The following TLR2 variants were observed in gnomAD, a reference collection of about 807,000 sequenced individuals.
The protein encoded by TLR2 is toll like receptor 2, also known as toll-like receptor 2.
In TLR2, 7 loss-of-function variants were observed where a neutral mutation model predicts 9.1. The observed-to-expected ratio is 0.77, with a 90% CI of 0.44 to 1.44. TLR2 has a LOEUF of 1.44. Among genes scored for constraint, TLR2 ranks in the 40% most tolerant of loss-of-function variants. The pLI, the probability that TLR2 is intolerant of heterozygous loss-of-function variation, is 0.01. For missense variants in TLR2, 812 were observed against 904.6 expected (o/e 0.90, Z 1.31); for synonymous variants, 317 against 344.6 (o/e 0.92, Z 0.89).
rs949936131 is a variant in TLR2 at position 153,690,266 on chromosome 4, G to T, written c.-17+2219G>T. Among the ~76,000 whole-genome samples the T allele has an allele frequency of 4.6e-5, 7 of 152,328 alleles. No individual in the cohort carries two copies. In the South Asian group the frequency reaches 1.5e-3, roughly 32 times the overall value. On this transcript the variant is annotated intron_variant, in intron 2 of 2. Coordinates refer to ENST00000642700, the MANE Select transcript of TLR2 (RefSeq NM_001318789.2). ...AATGCTAGATTCAGTTGTATATGGG[G>T]TGTCCTGTAATCCCTGTTTCCCCTT... is the stretch of plus-strand genomic sequence containing the variant.
chr4:153,701,072 G>T (rs980862664), intron 2 of TLR2, among the ~76,000 whole-genome samples: 1 of 152,056 alleles, frequency 6.6e-6, no homozygotes, highest in Non-Finnish European at 1.5e-5. Flanking sequence ...TTAAAAATAG[G>T]CTAGAAAACT....
Position 153,703,126 on chromosome 4 carries a change from G to A in TLR2, c.219G>A (p.Gln73=), listed in dbSNP as rs1478033039. 3 of 1,614,160 alleles carry A rather than the reference G, an allele frequency of 1.9e-6. No homozygotes were observed. The highest frequency in any genetic ancestry group is 3.3e-5 in the Admixed American group (2 of 60,028). The change falls in exon 3 of 3, where the codon CAG becomes CAA. Residue 73 remains glutamine (Q), a synonymous_variant. Transcript: ENST00000642700. ...CCTACATTAGCAACAGTGACCTACA[G>A]AGGTGTGTGAACCTCCAGGCTCTGG... ...RITYISNSDL[Q]RCVNLQALVL... is the part of the protein sequence containing the mutation.
chr4:153,699,777 A>G (rs769449029), intron 2 of TLR2, among the ~76,000 whole-genome samples: 2 of 152,340 alleles, frequency 1.3e-5, no homozygotes, highest in Non-Finnish European at 2.9e-5. Flanking sequence ...GATACAGAAA[A>G]TGAGAAGAAT....
chr4:153,705,247 T>G lies in TLR2; in HGVS notation c.2340T>G (p.Ala780=). 1 of 1,585,572 alleles carries G rather than the reference T, an allele frequency of 6.3e-7. No homozygotes were observed. Among genetic ancestry groups the G allele is most frequent in the Non-Finnish European group, 8.6e-7 (1 of 1,164,296 alleles). ...AAGGATTTTGGGTAAATCTGAGAGC[T>G]GCGATAAAGTCCTAGGTTCCCATAT... The part of the protein sequence containing the change: ...QREGFWVNLR[A]AIKS The change falls in exon 3 of 3, where the codon GCT becomes GCG. Residue 780 remains alanine (A), a synonymous_variant. Transcript: ENST00000642700.
chr4:153,700,568 T>A (rs1736815068), intron 2 of TLR2, among the ~76,000 whole-genome samples: 1 of 152,130 alleles, frequency 6.6e-6, no homozygotes, highest in African/African-American at 2.4e-5. Flanking sequence ...TTTTTGAAAC[T>A]GACAAGCTGA....
At chr4:153,689,963 C>G (rs1327286106) in intron 2 of TLR2, among the ~76,000 whole-genome samples, 2 of 152,218 alleles carry the variant, frequency 1.3e-5, no homozygotes, top group African/African-American at 2.4e-5. Flanking sequence ...CCAGAGGGTC[C>G]TCGGGATCCT....
chr4:153,695,720 G>A (rs1327498050), intron 2 of TLR2, among the ~76,000 whole-genome samples: 2 of 152,160 alleles, frequency 1.3e-5, no homozygotes, highest in South Asian at 2.1e-4. Context: ...GGTTGCCTAT[G>A]CTTGTGGGGT....
At chr4:153,684,578 G>T (rs1175368313) in intron 1 of TLR2, among the ~76,000 whole-genome samples, 2 of 152,228 alleles carry the variant, frequency 1.3e-5, no homozygotes, top group African/African-American at 4.8e-5. Flanking sequence ...CCCAGCGCGG[G>T]AATGTGGACA....
downstream of TLR2, among the ~76,000 whole-genome samples, chr4:153,708,247 C>G (rs1298908592): frequency 6.6e-6 from 1 of 152,174 alleles, no homozygotes; most frequent in African/African-American, 2.4e-5. Flanking sequence ...GTTCTGAAAG[C>G]TGCCATTGTG....
chr4:153,690,006 A>G (rs945509474), intron 2 of TLR2, among the ~76,000 whole-genome samples: 2 of 152,206 alleles, frequency 1.3e-5, no homozygotes, highest in South Asian at 4.1e-4. Flanking sequence ...CTGGCTCATG[A>G]TAAGGTTTCA....
rs746216810 is a variant in TLR2 at position 153,703,543 on chromosome 4, A to G, written c.636A>G (p.Leu212=). Residue 212 remains leucine (L), a synonymous_variant, in exon 3 of 3, where the codon TTA becomes TTG. Transcript: ENST00000642700. ...HLILHMKQHI[L]LLEIFVDVTS... ...TCCTTCATATGAAGCAGCATATTTT[A>G]CTGCTGGAGATTTTTGTAGATGTTA... 70 of 1,614,008 alleles carry G rather than the reference A, an allele frequency of 4.3e-5. 1 individual carries two copies. The East Asian group carries it at 9.6e-4, about 22-fold the overall frequency.
downstream of TLR2, among the ~76,000 whole-genome samples, chr4:153,707,454 G>A (rs1327039323): frequency 6.6e-6 from 1 of 152,196 alleles, no homozygotes; most frequent in African/African-American, 2.4e-5. Context: ...GGATGCTGAG[G>A]TGGGAGGATC....
In TLR2 at chr4:153,703,774, T is replaced by C; in HGVS notation, c.867T>C (p.Leu289=). The C allele has an allele frequency of 6.2e-7, 1 of 1,613,960 alleles. No individual in the cohort carries two copies. The highest frequency in any genetic ancestry group is 8.5e-7 in the Non-Finnish European group (1 of 1,179,992). Residue 289 remains leucine (L), a synonymous_variant, in exon 3 of 3, where the codon CTT becomes CTC. Transcript: ENST00000642700. ...LLELEFDDCT[L]NGVGNFRASD... ...AATTAGAGTTTGATGACTGTACCCT[T>C]AATGGAGTTGGTAATTTTAGAGCAT...
chr4:153,694,916 G>A (rs572132385), intron 2 of TLR2, among the ~76,000 whole-genome samples: 1 of 152,224 alleles, frequency 6.6e-6, no homozygotes, highest in South Asian at 2.1e-4. Context: ...ACAAATAAGC[G>A]AGAACATGGG....
Position 153,704,218 on chromosome 4 carries a change from G to C in TLR2, c.1311G>C (p.Lys437Asn). ...CTGAAACTTGTCAGTGGCCAGAAAA[G>C]ATGAAATATTTGAACTTATCCAGCA... Reference protein sequence around the residue: ...SMPETCQWPEKMKYLNLSSTR... With the variant: ...SMPETCQWPENMKYLNLSSTR... Residue 437 changes from lysine (K) to asparagine (N), a missense_variant, in exon 3 of 3, where the codon AAG becomes AAC. By Grantham distance (94) the Lys-to-Asn change is moderately conservative. Transcript: ENST00000642700. 1 of 1,614,164 alleles carries C rather than the reference G, an allele frequency of 6.2e-7. No homozygotes were observed. The highest frequency in any genetic ancestry group is 8.5e-7 in the Non-Finnish European group (1 of 1,180,028).
chr4:153,704,923 G>A lies in TLR2; in HGVS notation c.2016G>A (p.Leu672=). 2 of 1,613,190 alleles carry A rather than the reference G, an allele frequency of 1.2e-6. No homozygotes were observed. Among genetic ancestry groups the A allele is most frequent in the East Asian group, 2.2e-5 (1 of 44,852 alleles). ...AGAACTTCAATCCCCCCTTCAAGTT[G>A]TGTCTTCATAAGCGGGACTTCATTC... is the stretch of plus-strand genomic sequence containing the variant. ...ELENFNPPFK[L]CLHKRDFIPG... Residue 672 remains leucine, a synonymous_variant, in exon 3 of 3, where the codon TTG becomes TTA. Coordinates refer to ENST00000642700, the MANE Select transcript of TLR2 (RefSeq NM_001318789.2).
At chr4:153,702,787 TG>T in intron 2 of TLR2, 104 bp from the exon 3 acceptor site, 2 of 671,796 alleles carry the variant, frequency 3.0e-6, no homozygotes, top group African/African-American at 1.8e-5. Context: ...TGTGTGTGTG[TG>T]TGTGTGTGTG....
chr4:153,689,356 T>A (rs1735939722), intron 2 of TLR2, among the ~76,000 whole-genome samples: 3 of 152,252 alleles, frequency 2.0e-5, no homozygotes, highest in Admixed American at 2.0e-4. Context: ...TATTTCTTGC[T>A]ATTTCTACCA....
downstream of TLR2, among the ~76,000 whole-genome samples, chr4:153,708,760 G>A (rs983300334): frequency 2.6e-5 from 4 of 152,060 alleles, no homozygotes; most frequent in South Asian, 4.1e-4. Flanking sequence ...ATATGAACAC[G>A]GGGGGATCCA....
Sources: gnomAD v4.1 joint callset for allele counts (sites outside exome capture counted in the v4.1 genomes callset) on GRCh38, gnomAD v4.1.1 for gene constraint, MANE v1.5 for transcripts, NCBI Gene and HGNC (gene_info 2026-07-23, HGNC 2026-07-21) for gene names.